Variants in TVP23C observed in about 807,000 individuals in gnomAD.
TVP23C encodes the protein Golgi apparatus membrane protein TVP23 homolog C.
TVP23C carries 19 observed loss-of-function variants against 28.7 expected under a neutral mutation model. That is an observed-to-expected ratio of 0.66 (90% confidence interval 0.46 to 0.97). TVP23C has a LOEUF of 0.97. Among genes scored for constraint, TVP23C ranks in the 50% least tolerant of loss-of-function variants. The probability of loss-of-function intolerance (pLI) is 0.00; values close to 1 mark genes in which losing one functional copy is unlikely to be tolerated. For missense variants in TVP23C, 186 were observed against 241.3 expected (o/e 0.77, Z 1.52); for synonymous variants, 68 against 81.7 (o/e 0.83, Z 0.90).
At chr17:15,522,649 C>T (rs905320103) in intron 5 of TVP23C, among the ~76,000 whole-genome samples, 1 of 152,046 alleles carries the variant, frequency 6.6e-6, no homozygotes, top group African/African-American at 2.4e-5. Context: ...GAAAATGCAG[C>T]ATATCATTAT....
chr17:15,543,418 T>C (rs577883214), intron 5 of TVP23C, among the ~76,000 whole-genome samples: 26 of 151,214 alleles, frequency 1.7e-4, no homozygotes, highest in South Asian at 1.5e-3. Context: ...AAGCATAGTA[T>C]ACAGAAGATA....
At chr17:15,547,539 A>G (rs1983699710) in intron 3 of TVP23C, among the ~76,000 whole-genome samples, 1 of 152,246 alleles carries the variant, frequency 6.6e-6, no homozygotes, top group Non-Finnish European at 1.5e-5. Context: ...GATTATAGAC[A>G]CTGGCCTTCA....
intron 1 of TVP23C, 183 bp downstream of exon 1, chr17:15,563,254 C>G: frequency 8.4e-7 from 1 of 1,183,666 alleles, no homozygotes; most frequent in Non-Finnish European, 1.2e-6. Flanking sequence ...CACGCCTCCC[C>G]CAGCGGCCTC....
chr17:15,559,961 G>A lies in TVP23C; in HGVS notation c.12+3476C>T, dbSNP rs928548263. ...ACATAAGGTGAGCCAGGAGGGGGTA[G>A]TGTCCTGGAAACCAAACAAAGTGCC... On this transcript the variant is annotated intron_variant, in intron 1 of 5. Coordinates refer to ENST00000518321, the MANE Select transcript of TVP23C (RefSeq NM_001135036.2). 1.1e-4 allele frequency among the ~76,000 whole-genome samples: 16 copies of A among 149,462 alleles called. 3 individuals are homozygous for A. Among genetic ancestry groups the A allele is most frequent in the Non-Finnish European group, 2.4e-4 (16 of 66,784 alleles).
Position 15,538,153 on chromosome 17 carries a change from TCC to T in TVP23C, c.*2257_*2258del, listed in dbSNP as rs769478499. 6.2e-7 allele frequency: 1 copy of T among 1,613,758 alleles called. No homozygotes were observed. Among genetic ancestry groups the T allele is most frequent in the South Asian group, 1.1e-5 (1 of 91,052 alleles). ...CAGGAAGTCTGATCATCTCCAGTGT[TCC>T]GCAAAAGACAAAAAAAGAACTCCTT... On this transcript the variant is annotated 3_prime_UTR_variant, in exon 6 of 6. Transcript: ENST00000518321.
intron 5 of TVP23C, among the ~76,000 whole-genome samples, chr17:15,515,244 A>G (rs1982174643): frequency 6.6e-6 from 1 of 152,132 alleles, no homozygotes; most frequent in South Asian, 2.1e-4. Flanking sequence ...TCCAGAACTC[A>G]GCCTGGAACC....
intron 3 of TVP23C, among the ~76,000 whole-genome samples, chr17:15,548,120 AT>A (rs796947854): frequency 6.6e-6 from 1 of 151,836 alleles, no homozygotes; most frequent in African/African-American, 2.4e-5. Context: ...TTTGTACTAT[AT>A]TTGCTGCAGT....
At chr17:15,524,549 A>G (rs1358750792) in intron 5 of TVP23C, among the ~76,000 whole-genome samples, 1 of 152,198 alleles carries the variant, frequency 6.6e-6, no homozygotes, top group African/African-American at 2.4e-5. Context: ...ATCAAATAGG[A>G]GGCGACGCCA....
At chr17:15,560,309 C>A (rs1984323098) in intron 1 of TVP23C, among the ~76,000 whole-genome samples, 1 of 148,974 alleles carries the variant, frequency 6.7e-6, no homozygotes, top group Non-Finnish European at 1.5e-5. Flanking sequence ...CATGATCCAC[C>A]CACCCTGGCC....
chr17:15,538,790 G>GTC lies in TVP23C; in HGVS notation c.*1621_*1622insGA. The GTC allele has an allele frequency of 1.0e-6, 1 of 985,164 alleles. No homozygotes were observed. The highest frequency in any genetic ancestry group is 1.2e-6 in the Non-Finnish European group (1 of 829,902). The allele number at this position is 985,164 out of a possible 1,614,324, so 61.0% of individuals were successfully genotyped here. The stretch of plus-strand genomic sequence containing the variant: ...GTTCCTCCCCACCTTCAGAAACACT[G>GTC]AAAATTCTAACGAAAAAAACCTAAT... On this transcript the variant is annotated 3_prime_UTR_variant, in exon 6 of 6. Transcript: ENST00000518321.
Position 15,517,487 on chromosome 17 carries a change from C to T in TVP23C, c.463-14255G>A, listed in dbSNP as rs545304118. On this transcript the variant is annotated intron_variant, in intron 5 of 5. Transcript: ENST00000225576. ...CTGAGTAGAATTAGCTACTCCATGC[C>T]TCAGTTTCCTCATCTTATCCAATAA... Among the ~76,000 whole-genome samples the T allele has an allele frequency of 3.9e-5, 6 of 152,312 alleles. No individual in the cohort carries two copies. In the South Asian group the frequency reaches 1.2e-3, roughly 32 times the overall value.
downstream of TVP23C, among the ~76,000 whole-genome samples, chr17:15,532,656 C>T (rs1452219684): frequency 6.6e-6 from 1 of 152,130 alleles, no homozygotes; most frequent in East Asian, 1.9e-4. Context: ...TTATTTTGAT[C>T]ATTCCTGCCA....
At chr17:15,503,902 G>A (rs1259865116) in intron 5 of TVP23C, among the ~76,000 whole-genome samples, 4 of 152,092 alleles carry the variant, frequency 2.6e-5, no homozygotes, top group African/African-American at 4.8e-5. Context: ...TCAGCCTTTT[G>A]GGAGGGGGAA....
intron 3 of TVP23C, among the ~76,000 whole-genome samples, chr17:15,548,215 G>C (rs1256029175): frequency 1.3e-5 from 2 of 152,110 alleles, no homozygotes; most frequent in African/African-American, 4.8e-5. Flanking sequence ...TGCCCAGGCT[G>C]GCATGCAACG....
rs1299595012 is a variant in TVP23C at position 15,539,782 on chromosome 17, A to C, written c.*630T>G. The C allele has an allele frequency of 3.0e-6, 3 of 984,608 alleles. No individual in the cohort carries two copies. The African/African-American group carries it at 5.3e-5, about 17-fold the overall frequency. The allele number at this position is 984,608 out of a possible 1,614,324, so 61.0% of individuals were successfully genotyped here. ...AATGTTATGGTCTTCTTGTGATTCA[A>C]CTGTTCTCCCTAAAACCATACAACA... On this transcript the variant is annotated 3_prime_UTR_variant, in exon 6 of 6. Coordinates refer to ENST00000518321, the MANE Select transcript of TVP23C (RefSeq NM_001135036.2).
At chr17:15,533,077 G>A (rs2654267), downstream of TVP23C, among the ~76,000 whole-genome samples, 4 of 152,282 alleles carry the variant, frequency 2.6e-5, no homozygotes, top group South Asian at 2.1e-4. Context: ...AATGGTTTTC[G>A]CCCCTTCAGG....
At chr17:15,518,932 C>T (rs1982351256) in intron 5 of TVP23C, among the ~76,000 whole-genome samples, 1 of 152,124 alleles carries the variant, frequency 6.6e-6, no homozygotes, top group African/African-American at 2.4e-5. Context: ...AGTGGTTTCC[C>T]CATACTGGTC....
At position 15,553,794 on chromosome 17, in the gene TVP23C, C is replaced by T. The variant is rs766450760; in HGVS notation, c.131G>A (p.Arg44Gln). Residue 44 changes from arginine to glutamine, a missense_variant, in exon 3 of 6, where the codon CGA becomes CAA. By Grantham distance (43) the Arg-to-Gln change is conservative (BLOSUM62 1). Around this residue, in one of 3 missense-constraint regions of TVP23C, gnomAD observed 92 missense variants for 94.3 expected, o/e 0.98. Coordinates refer to ENST00000518321, the MANE Select transcript of TVP23C (RefSeq NM_001135036.2). Reference protein sequence around the residue: ...PVASFFHLFFRVSAIIVCLLC... With the variant: ...PVASFFHLFFQVSAIIVCLLC... ...AAGACAGACGATGATTGCACTGACT[C>T]GAAAGAATAAGTGGAAAAACGATGC... 18 of 1,613,694 alleles carry T rather than the reference C, an allele frequency of 1.1e-5. No homozygotes were observed. Among genetic ancestry groups the T allele is most frequent in the Non-Finnish European group, 1.4e-5 (16 of 1,179,850 alleles).
chr17:15,556,758 C>T (rs1984151513), intron 1 of TVP23C, among the ~76,000 whole-genome samples: 2 of 152,150 alleles, frequency 1.3e-5, no homozygotes, highest in African/African-American at 4.8e-5. Flanking sequence ...ACTCACCAGC[C>T]TCCCTGCCTT....
Sources: gnomAD v4.1 joint callset for allele counts (sites outside exome capture counted in the v4.1 genomes callset) on GRCh38, gnomAD v4.1.1 for gene constraint, gnomAD v4.1.1 regional missense constraint, MANE v1.5 for transcripts, NCBI Gene and HGNC (gene_info 2026-07-23, HGNC 2026-07-21) for gene names.